The following PPP2R2C variants were observed in gnomAD, a reference collection of about 807,000 sequenced individuals.
The protein encoded by PPP2R2C is protein phosphatase 2 regulatory subunit Bgamma.
In PPP2R2C, 10 loss-of-function variants were observed where a neutral mutation model predicts 45.3. The observed-to-expected ratio is 0.22, with a 90% confidence interval of 0.14 to 0.37. The LOEUF (loss-of-function observed/expected upper bound fraction) is 0.37. Ranked by LOEUF, PPP2R2C falls within the 10% of genes least tolerant of loss-of-function variation. The pLI is 1.00. For synonymous variants in PPP2R2C, 257 were observed against 245.4 expected, an observed-to-expected ratio of 1.05 and a Z score of -0.44; for missense variants, 308 against 619.7, an observed-to-expected ratio of 0.50 and a Z score of 5.34.
At chr4:6,455,429 C>A (rs542562627) in intron 1 of PPP2R2C, among the ~76,000 whole-genome samples, 3 of 152,276 alleles carry the variant, frequency 2.0e-5, no homozygotes, top group African/African-American at 7.2e-5. Flanking sequence ...ACCATCTGCA[C>A]CCCCAGCCTT....
intron 1 of PPP2R2C, among the ~76,000 whole-genome samples, chr4:6,390,402 C>A (rs935367434): frequency 3.9e-5 from 6 of 152,218 alleles, no homozygotes; most frequent in African/African-American, 9.6e-5. Context: ...TAATCACCCA[C>A]CAAGCACACT....
chr4:6,328,924 G>A lies in PPP2R2C; in HGVS notation c.1052+338C>T, dbSNP rs1297279015. On this transcript the variant is annotated intron_variant, in intron 8 of 8. Coordinates refer to ENST00000382599, the MANE Select transcript of PPP2R2C (RefSeq NM_020416.4). This position sits in a 1 kb window ranked among gnomAD's most constrained non-coding sequence, Gnocchi z 4.4. ...TGTGGATGGATGATGGTGACCGGGT[G>A]CTGGGCTATAGCCCTCGCCCCCGAC... Among the ~76,000 whole-genome samples, 1 of 57,752 alleles carries A rather than the reference G, an allele frequency of 1.7e-5. No individual in the cohort carries two copies. Among genetic ancestry groups the A allele is most frequent in the Admixed American group, 1.6e-4 (1 of 6,242 alleles). 37.9% of individuals were successfully genotyped at this position (57,752 alleles called of 152,430 possible).
chr4:6,355,299 T>G (rs941083583), intron 5 of PPP2R2C, among the ~76,000 whole-genome samples: 1 of 152,090 alleles, frequency 6.6e-6, no homozygotes, highest in African/African-American at 2.4e-5. Flanking sequence ...GCTGTTAAAG[T>G]TGAGATAAGA....
At chr4:6,421,143 C>T (rs1310702800) in intron 1 of PPP2R2C, 1 of 984,514 alleles carries the variant, frequency 1.0e-6, no homozygotes, top group Admixed American at 6.2e-5. Context: ...TAGGCTCAGC[C>T]CATCACACAC....
chr4:6,381,543 C>G, intron 1 of PPP2R2C: 5 of 1,404,814 alleles, frequency 3.6e-6, no homozygotes, highest in South Asian at 1.5e-5. Context: ...AGGCAACCCT[C>G]TGCTAGGGGC....
chr4:6,442,032 G>A (rs1720182449), intron 1 of PPP2R2C, among the ~76,000 whole-genome samples: 2 of 152,190 alleles, frequency 1.3e-5, no homozygotes, highest in South Asian at 4.1e-4. Flanking sequence ...AAAGCCAAAC[G>A]GTGTCCGTGG....
In PPP2R2C at chr4:6,400,787, A is replaced by G. The variant is rs149973820; in HGVS notation, c.71-19693T>C. 9.8e-3 allele frequency among the ~76,000 whole-genome samples: 1,496 copies of G among 152,350 alleles called. 12 individuals are homozygous for G. Among genetic ancestry groups the G allele is most frequent in the Non-Finnish European group, 0.015 (1,038 of 68,030 alleles). ...TCAAAGGAGAAGTTAAGGTTGGCCAATGGGACCCCTGAATGCAAACATCTC... is the reference window on the plus strand; with the variant it reads ...TCAAAGGAGAAGTTAAGGTTGGCCAGTGGGACCCCTGAATGCAAACATCTC... On this transcript the variant is annotated intron_variant, in intron 1 of 8. Transcript: ENST00000382599.
intron 1 of PPP2R2C, chr4:6,413,777 T>G: frequency 7.9e-7 from 1 of 1,260,590 alleles, no homozygotes; most frequent in Non-Finnish European, 1.1e-6. Flanking sequence ...ACTGAGACTC[T>G]GAGAAGTGGA....
chr4:6,521,323 T>G (rs896940064), intron 2 of PPP2R2C, among the ~76,000 whole-genome samples: 11 of 152,364 alleles, frequency 7.2e-5, no homozygotes, highest in African/African-American at 2.4e-4. Context: ...TCACATGAGC[T>G]ACCATCAATT....
chr4:6,419,624 G>A (rs552696512), intron 1 of PPP2R2C, among the ~76,000 whole-genome samples: 15 of 152,288 alleles, frequency 9.8e-5, no homozygotes, highest in Admixed American at 7.8e-4. Flanking sequence ...CCTGGGATGT[G>A]TCTGGGTATC....
intron 1 of PPP2R2C, among the ~76,000 whole-genome samples, chr4:6,469,257 G>A (rs1721738192): frequency 6.6e-6 from 1 of 152,158 alleles, no homozygotes; most frequent in Non-Finnish European, 1.5e-5. Flanking sequence ...CCCAAAGGAT[G>A]AGAAAGAGTC....
Position 6,324,263 on chromosome 4 carries a change from C to T in PPP2R2C, c.1053-670G>A, listed in dbSNP as rs1286134284. Among the ~76,000 whole-genome samples, 1 of 152,090 alleles carries T rather than the reference C, an allele frequency of 6.6e-6. No homozygotes were observed. Among genetic ancestry groups the T allele is most frequent in the Non-Finnish European group, 1.5e-5 (1 of 68,022 alleles). On this transcript the variant is annotated intron_variant, in intron 8 of 8. Coordinates refer to ENST00000382599, the MANE Select transcript of PPP2R2C (RefSeq NM_020416.4). This position sits in a 1 kb window ranked among gnomAD's most constrained non-coding sequence, Gnocchi z 4.1. The stretch of plus-strand genomic sequence containing the variant: ...CCTGGCCAACATGATGAAACCCTGT[C>T]TCTACTAAAAATACAAAAATTAGCT...
intron 1 of PPP2R2C, among the ~76,000 whole-genome samples, chr4:6,553,501 G>A (rs986716530): frequency 3.9e-5 from 6 of 152,216 alleles, no homozygotes; most frequent in African/African-American, 1.4e-4. Context: ...CGCCACTTCA[G>A]ATGCCTGCCT....
intron 1 of PPP2R2C, among the ~76,000 whole-genome samples, chr4:6,430,014 T>C (rs1292431736): frequency 1.3e-5 from 2 of 152,168 alleles, no homozygotes; most frequent in African/African-American, 4.8e-5. Context: ...CCCAACTGAA[T>C]GCTCCAGTTT....
chr4:6,342,640 C>T (rs143431596), intron 6 of PPP2R2C, among the ~76,000 whole-genome samples: 11 of 152,346 alleles, frequency 7.2e-5, no homozygotes, highest in Admixed American at 2.0e-4. Flanking sequence ...GTTCCGGGCA[C>T]GGCCCTTTCT....
chr4:6,537,954 C>A (rs1385008983), intron 1 of PPP2R2C, among the ~76,000 whole-genome samples: 1 of 152,014 alleles, frequency 6.6e-6, no homozygotes, highest in African/African-American at 2.4e-5. Context: ...AGACAGGAAG[C>A]AGAATAGGGG....
intron 2 of PPP2R2C, among the ~76,000 whole-genome samples, chr4:6,486,712 AT>A (rs1402695117): frequency 4.0e-5 from 6 of 151,868 alleles, no homozygotes; most frequent in Non-Finnish European, 7.4e-5. Context: ...TATCTTTTTC[AT>A]TGTTTTACTT....
At chr4:6,341,266 G>A (rs572817977) in intron 6 of PPP2R2C, among the ~76,000 whole-genome samples, 55 of 151,396 alleles carry the variant, frequency 3.6e-4, no homozygotes, top group African/African-American at 1.3e-3. Context: ...TTGAACCCAG[G>A]AGGTGGAGGT....
intron 2 of PPP2R2C, among the ~76,000 whole-genome samples, chr4:6,532,620 A>G (rs1724443172): frequency 6.6e-6 from 1 of 152,250 alleles, no homozygotes. Flanking sequence ...GACACTTCCC[A>G]GAAGCATTAA....
Sources: allele counts gnomAD v4.1 joint callset (sites outside exome capture counted in the v4.1 genomes callset), GRCh38; gene constraint gnomAD v4.1.1; non-coding constraint Gnocchi (gnomAD v3.1); transcripts MANE v1.5; gene names NCBI Gene and HGNC (gene_info 2026-07-23, HGNC 2026-07-21).